SLC10A7: variants seen among roughly 807,000 people sequenced by gnomAD.
SLC10A7 encodes sodium/bile acid cotransporter 7.
A neutral mutation model predicts 43.2 loss-of-function variants in SLC10A7; 29 were observed. That is an observed-to-expected ratio of 0.67 (90% CI 0.50 to 0.92). The LOEUF is 0.92. SLC10A7 is among the 40% of genes least tolerant of loss of function. The pLI is 0.00. For missense variants in SLC10A7, 295 were observed against 403.2 expected (o/e 0.73, Z 2.30); for synonymous variants, 152 against 144.8 (o/e 1.05, Z -0.35).
chr4:146,510,261 A>AT lies in SLC10A7; in HGVS notation c.184-213_184-212insA, dbSNP rs1560980961. On this transcript the variant is annotated intron_variant, in intron 2 of 11. Coordinates refer to ENST00000335472, the MANE Select transcript of SLC10A7 (RefSeq NM_001029998.6). ...AAGTATTTTTGTTTAAAATTTCTTA[A>AT]ATTTTTTTTTTTTTTTGAGATGGAG... Among the ~76,000 whole-genome samples the AT allele has an allele frequency of 9.6e-3, 709 of 73,768 alleles. 7 individuals are homozygous for AT. The highest frequency in any genetic ancestry group is 0.022 in the African/African-American group (472 of 21,656). 48.4% of individuals were successfully genotyped at this position (73,768 alleles called of 152,430 possible).
At chr4:146,334,383 C>T (rs1460711487) in intron 5 of SLC10A7, among the ~76,000 whole-genome samples, 1 of 151,982 alleles carries the variant, frequency 6.6e-6, no homozygotes, top group African/African-American at 2.4e-5. Flanking sequence ...CAATAGATGA[C>T]TAGTGTGAAA....
intron 6 of SLC10A7, among the ~76,000 whole-genome samples, chr4:146,310,217 C>T (rs967398973): frequency 1.3e-5 from 2 of 152,162 alleles, no homozygotes; most frequent in South Asian, 4.1e-4. Flanking sequence ...TTTATCTAAT[C>T]CACTGTTGAT....
At chr4:146,446,106 G>A (rs796924206) in intron 4 of SLC10A7, among the ~76,000 whole-genome samples, 4 of 152,208 alleles carry the variant, frequency 2.6e-5, no homozygotes, top group African/African-American at 9.6e-5. Flanking sequence ...CTTCTACCCA[G>A]TATTTCTCTG....
At chr4:146,485,487 T>C (rs929407152) in intron 4 of SLC10A7, among the ~76,000 whole-genome samples, 1 of 152,126 alleles carries the variant, frequency 6.6e-6, no homozygotes, top group Non-Finnish European at 1.5e-5. Flanking sequence ...AGGGCAGAAT[T>C]CCTCAGGGAG....
intron 5 of SLC10A7, among the ~76,000 whole-genome samples, chr4:146,332,363 C>T (rs1342953245): frequency 1.3e-5 from 2 of 152,190 alleles, no homozygotes; most frequent in East Asian, 1.9e-4. Context: ...CCACCCATAT[C>T]TCATGTTGAG....
At chr4:146,475,089 C>T (rs966741597) in intron 4 of SLC10A7, among the ~76,000 whole-genome samples, 9 of 152,010 alleles carry the variant, frequency 5.9e-5, no homozygotes, top group Non-Finnish European at 1.2e-4. Context: ...GACATTTCTG[C>T]CAAGGATAAG....
In SLC10A7 at chr4:146,422,102, G is replaced by T. The variant is rs188779393; in HGVS notation, c.435+20681C>A. On this transcript the variant is annotated intron_variant, in intron 5 of 11. Transcript: ENST00000335472. ...ATGTACAACATGAAGTTAATAAATA[G>T]CTTTCAGTATTGAAAAGAGCCAAGC... is the stretch of plus-strand genomic sequence containing the variant. Among the ~76,000 whole-genome samples, 35 of 152,154 alleles carry T rather than the reference G, an allele frequency of 2.3e-4. No homozygotes were observed. In the East Asian group the frequency reaches 6.7e-3, roughly 29 times the overall value.
intron 5 of SLC10A7, among the ~76,000 whole-genome samples, chr4:146,354,435 A>C (rs1247710260): frequency 1.3e-5 from 2 of 152,056 alleles, no homozygotes; most frequent in Non-Finnish European, 2.9e-5. Flanking sequence ...GGTAGGAAGA[A>C]TCAATATCGT....
At position 146,360,212 on chromosome 4, in the gene SLC10A7, C is replaced by A. The variant is rs548593827; in HGVS notation, c.436-34216G>T. ...ACTGCCATTACCTTACTCTAAGCCACTGTTGTTTTTCCTCTGAATCAGTGT... is the reference window on the plus strand; with the variant it reads ...ACTGCCATTACCTTACTCTAAGCCAATGTTGTTTTTCCTCTGAATCAGTGT... On this transcript the variant is annotated intron_variant, in intron 5 of 11. Coordinates refer to ENST00000335472, the MANE Select transcript of SLC10A7 (RefSeq NM_001029998.6). Among the ~76,000 whole-genome samples the A allele has an allele frequency of 2.8e-5, 4 of 140,790 alleles. No homozygotes were observed. The Admixed American group carries it at 3.0e-4, about 10-fold the overall frequency. The allele number at this position is 140,790 out of a possible 152,430, so 92.4% of individuals were successfully genotyped here.
chr4:146,363,994 G>T (rs956076956), intron 5 of SLC10A7, among the ~76,000 whole-genome samples: 1 of 151,642 alleles, frequency 6.6e-6, no homozygotes, highest in Non-Finnish European at 1.5e-5. Context: ...GAAAAGAAAA[G>T]ATAAAGATCA....
At chr4:146,411,040 TG>T (rs1234422293) in intron 5 of SLC10A7, among the ~76,000 whole-genome samples, 1 of 152,126 alleles carries the variant, frequency 6.6e-6, no homozygotes, top group Non-Finnish European at 1.5e-5. Context: ...TTCACCATTT[TG>T]GCCAGGCTGG....
intron 10 of SLC10A7, 149 bp from the exon 11 acceptor site, chr4:146,258,986 G>T: frequency 1.2e-6 from 1 of 851,224 alleles, no homozygotes; most frequent in South Asian, 1.8e-5. Context: ...AGTCTGAAAT[G>T]GGTCACCAAA....
chr4:146,407,732 T>C (rs776692562), intron 5 of SLC10A7, among the ~76,000 whole-genome samples: 3 of 152,216 alleles, frequency 2.0e-5, no homozygotes, highest in African/African-American at 7.2e-5. Flanking sequence ...CCTGTTTTCT[T>C]TGGGACAACA....
At chr4:146,318,390 G>T (rs1438251955) in intron 6 of SLC10A7, among the ~76,000 whole-genome samples, 1 of 151,958 alleles carries the variant, frequency 6.6e-6, no homozygotes, top group South Asian at 2.1e-4. Flanking sequence ...TGAAATATTA[G>T]CAGCAACTGA....
intron 5 of SLC10A7, among the ~76,000 whole-genome samples, chr4:146,402,042 G>C (rs1739261550): frequency 6.6e-6 from 1 of 152,082 alleles, no homozygotes; most frequent in Non-Finnish European, 1.5e-5. Context: ...ACCTAATTGA[G>C]AGTGAGTTGC....
Position 146,509,999 on chromosome 4 carries a change from G to T in SLC10A7, c.234C>A (p.Ile78=). 3.1e-6 allele frequency: 5 copies of T among 1,613,610 alleles called. No homozygotes were observed. The highest frequency in any genetic ancestry group is 2.2e-5 in the South Asian group (2 of 91,038). ...VHLKLHLFIQ[I]FTLAFFPATI... is the part of the protein sequence containing the mutation. ...TTGCTGGGAAGAATGCAAGAGTAAA[G>T]ATCTGAATAAAAAGATGCAGTTTTA... The change falls in exon 3 of 12, where the codon ATC becomes ATA. Residue 78 remains isoleucine, a synonymous_variant. Coordinates refer to ENST00000335472, the MANE Select transcript of SLC10A7 (RefSeq NM_001029998.6).
chr4:146,473,578 G>A lies in SLC10A7; in HGVS notation c.396+30271C>T, dbSNP rs143552493. ...TTCCTTGAAATTTCCCCTTAAAAAG[G>A]TTGCAAAGAAGGGGTATAATTTGAC... On this transcript the variant is annotated intron_variant, in intron 4 of 11. Transcript: ENST00000335472. Among the ~76,000 whole-genome samples the A allele has an allele frequency of 4.7e-3, 711 of 152,052 alleles. 2 individuals are homozygous for A. Among genetic ancestry groups the A allele is most frequent in the African/African-American group, 0.016 (662 of 41,464 alleles).
At chr4:146,506,309 G>C (rs990415798) in intron 3 of SLC10A7, among the ~76,000 whole-genome samples, 18 of 152,074 alleles carry the variant, frequency 1.2e-4, no homozygotes, top group African/African-American at 3.6e-4. Flanking sequence ...TCTTCTATGA[G>C]TAAAATCCTA....
At chr4:146,385,689 T>C (rs1179172551) in intron 5 of SLC10A7, among the ~76,000 whole-genome samples, 1 of 152,152 alleles carries the variant, frequency 6.6e-6, no homozygotes. Flanking sequence ...TGGAGTACAT[T>C]TGATCTCATC....
Sources: allele counts gnomAD v4.1 joint callset (sites outside exome capture counted in the v4.1 genomes callset), GRCh38; gene constraint gnomAD v4.1.1; transcripts MANE v1.5; gene names NCBI Gene and HGNC (gene_info 2026-07-23, HGNC 2026-07-21).